DLG2: variants seen among roughly 807,000 people sequenced by gnomAD.
The protein encoded by DLG2 is disks large homolog 2.
Under a neutral mutation model 132.5 loss-of-function variants are expected in DLG2, and 45 were observed. The observed-to-expected ratio is 0.34, with a 90% CI of 0.27 to 0.44. DLG2 has a LOEUF of 0.44. Among genes scored for constraint, DLG2 ranks in the 20% least tolerant of loss-of-function variants. The pLI, the probability that DLG2 is intolerant of heterozygous loss-of-function variation, is 1.00. For synonymous variants in DLG2, 424 were observed against 419.6 expected, an observed-to-expected ratio of 1.01 and a Z score of -0.13; for missense variants, 1,045 against 1,196.9, an observed-to-expected ratio of 0.87 and a Z score of 1.87.
chr11:84,559,422 G>A (rs547448421), intron 6 of DLG2, among the ~76,000 whole-genome samples: 15 of 152,204 alleles, frequency 9.9e-5, no homozygotes, highest in Non-Finnish European at 1.8e-4. Context: ...ATATAATAAA[G>A]TAATTCACTT....
chr11:83,581,891 T>C (rs868176617), intron 19 of DLG2, among the ~76,000 whole-genome samples: 1 of 151,442 alleles, frequency 6.6e-6, no homozygotes, highest in African/African-American at 2.4e-5. Context: ...TAGGTTCCCA[T>C]ATTTCCTTCT....
intron 11 of DLG2, among the ~76,000 whole-genome samples, chr11:84,028,480 A>AT (rs35310534): frequency 6.6e-6 from 1 of 151,824 alleles, no homozygotes; most frequent in African/African-American, 2.4e-5. Context: ...CCATGAAATA[A>AT]TTTTTTTTGA....
intron 6 of DLG2, among the ~76,000 whole-genome samples, chr11:85,002,123 T>A (rs1057441225): frequency 1.3e-5 from 2 of 152,170 alleles, no homozygotes; most frequent in Admixed American, 1.3e-4. Context: ...TTTGTTTTAA[T>A]TATATCTACT....
intron 3 of DLG2, among the ~76,000 whole-genome samples, chr11:85,397,143 A>C (rs551523076): frequency 6.6e-6 from 1 of 152,336 alleles, no homozygotes; most frequent in East Asian, 1.9e-4. Flanking sequence ...TAAAGAAAAG[A>C]GTTTTCAACC....
Position 84,373,258 on chromosome 11 carries a change from AAAAAAAC to A in DLG2, c.520-121974_520-121968del, listed in dbSNP as rs1357808597. 3.9e-3 allele frequency among the ~76,000 whole-genome samples: 391 copies of A among 99,152 alleles called. 19 individuals are homozygous for A. Among genetic ancestry groups the A allele is most frequent in the African/African-American group, 0.012 (371 of 30,288 alleles). The allele number at this position is 99,152 out of a possible 152,430, so 65.0% of individuals were successfully genotyped here. On this transcript the variant is annotated intron_variant, in intron 7 of 27. Transcript: ENST00000376104. Reference sequence around the variant, plus strand: ...CCAATTAAGAAACAGTCAAAAAAAAAAAAAAACAAAACAAAAAAAAAACCCACCAGGC... The same window carrying A: ...CCAATTAAGAAACAGTCAAAAAAAAAAAAACAAAAAAAAAACCCACCAGGC...
intron 3 of DLG2, among the ~76,000 whole-genome samples, chr11:85,385,029 C>G (rs777789326): frequency 2.0e-5 from 3 of 152,106 alleles, no homozygotes; most frequent in Non-Finnish European, 4.4e-5. Flanking sequence ...CCTGTTTATA[C>G]TTTTTTCCCC....
chr11:84,742,465 C>T (rs1236843037), intron 6 of DLG2, among the ~76,000 whole-genome samples: 1 of 152,116 alleles, frequency 6.6e-6, no homozygotes, highest in African/African-American at 2.4e-5. Context: ...TCAGCAGAAA[C>T]CTTACAGGCG....
rs140297510 is a variant in DLG2 at position 84,143,086 on chromosome 11, T to C, written c.624+20375A>G. On this transcript the variant is annotated intron_variant, in intron 9 of 27. Coordinates refer to ENST00000376104, the MANE Select transcript of DLG2 (RefSeq NM_001142699.3). ...CGGTAACCTATCCTGACTGATACAG[T>C]GTCTTTGTAGAATTTCAGTTTCAAC... 3.1e-3 allele frequency among the ~76,000 whole-genome samples: 466 copies of C among 152,248 alleles called. 2 individuals are homozygous for C. The highest frequency in any genetic ancestry group is 0.011 in the African/African-American group (440 of 41,546).
chr11:84,880,567 T>C (rs1174272640), intron 6 of DLG2, among the ~76,000 whole-genome samples: 1 of 152,190 alleles, frequency 6.6e-6, no homozygotes, highest in Non-Finnish European at 1.5e-5. Flanking sequence ...CAGATGCTTA[T>C]GCTACAGATG....
chr11:85,240,796 AT>A (rs2075839657), intron 4 of DLG2, among the ~76,000 whole-genome samples: 1 of 151,804 alleles, frequency 6.6e-6, no homozygotes, highest in Non-Finnish European at 1.5e-5. Context: ...TATTACTATA[AT>A]GTGTCTTATT....
chr11:84,759,815 A>C (rs2067364159), intron 6 of DLG2, among the ~76,000 whole-genome samples: 1 of 152,134 alleles, frequency 6.6e-6, no homozygotes. Flanking sequence ...AGTTCAGAAA[A>C]GACAATAATT....
chr11:84,175,676 C>T (rs961547147), intron 8 of DLG2, among the ~76,000 whole-genome samples: 1 of 152,054 alleles, frequency 6.6e-6, no homozygotes, highest in Non-Finnish European at 1.5e-5. Context: ...CTCTTTTCAT[C>T]CCATTTAAAA....
intron 11 of DLG2, among the ~76,000 whole-genome samples, chr11:84,010,984 C>T (rs1023863517): frequency 6.6e-6 from 1 of 152,058 alleles, no homozygotes; most frequent in Admixed American, 6.6e-5. Flanking sequence ...GTTCTAATCA[C>T]AAACTATGTA....
intron 3 of DLG2, among the ~76,000 whole-genome samples, chr11:85,533,135 T>C (rs2075331658): frequency 1.3e-5 from 2 of 152,112 alleles, no homozygotes; most frequent in African/African-American, 4.8e-5. Flanking sequence ...GCAATTCCCC[T>C]GCTTCAGCCT....
chr11:84,356,438 T>C (rs1600513610), intron 7 of DLG2, among the ~76,000 whole-genome samples: 1 of 152,104 alleles, frequency 6.6e-6, no homozygotes, highest in South Asian at 2.1e-4. Flanking sequence ...CAGCAAAACA[T>C]AGTTGTTAAG....
intron 6 of DLG2, among the ~76,000 whole-genome samples, chr11:84,987,933 CA>C (rs879234608): frequency 6.6e-6 from 1 of 152,052 alleles, no homozygotes; most frequent in African/African-American, 2.4e-5. Flanking sequence ...CTTAATTAAA[CA>C]AAGAGTTTTT....
intron 6 of DLG2, chr11:84,887,176 T>TG (rs2088480621): frequency 6.6e-6 from 1 of 152,126 alleles, no homozygotes; most frequent in Non-Finnish European, 1.5e-5. Flanking sequence ...AAGCACCATC[T>TG]GTTCATGCTC....
chr11:83,875,347 T>C (rs1049865360), intron 15 of DLG2, among the ~76,000 whole-genome samples: 2 of 152,296 alleles, frequency 1.3e-5, no homozygotes, highest in Admixed American at 1.3e-4. Flanking sequence ...ATGTCTCTTA[T>C]TTCTCATAAA....
intron 6 of DLG2, among the ~76,000 whole-genome samples, chr11:84,961,792 T>G (rs1428948844): frequency 1.3e-5 from 2 of 152,162 alleles, no homozygotes; most frequent in Admixed American, 1.3e-4. Context: ...AATGAATGCA[T>G]AAGTATAATG....
Sources: gnomAD v4.1 joint callset for allele counts (sites outside exome capture counted in the v4.1 genomes callset) on GRCh38, gnomAD v4.1.1 for gene constraint, MANE v1.5 for transcripts, NCBI Gene and HGNC (gene_info 2026-07-23, HGNC 2026-07-21) for gene names.